Variants in FBXO11 observed in about 807,000 individuals in gnomAD.
FBXO11 encodes F-box protein 11.
FBXO11 carries 13 observed loss-of-function variants against 117.0 expected under a neutral mutation model. The ratio of observed to expected loss-of-function variants is 0.11; its 90% CI spans 0.07 to 0.18. The LOEUF (loss-of-function observed/expected upper bound fraction) is 0.18. Ranked by LOEUF, FBXO11 falls within the 10% of genes least tolerant of loss-of-function variation. The probability of loss-of-function intolerance (pLI) is 1.00; values close to 1 mark genes in which losing one functional copy is unlikely to be tolerated. For synonymous variants in FBXO11, 490 were observed against 380.5 expected (o/e 1.29, Z -3.35); for missense variants, 767 against 1,164.4 (o/e 0.66, Z 4.97).
At chr2:47,885,014 G>A (rs1318933064) in intron 1 of FBXO11, among the ~76,000 whole-genome samples, 2 of 152,084 alleles carry the variant, frequency 1.3e-5, no homozygotes, top group Admixed American at 1.3e-4. Context: ...TTACCAAACA[G>A]TATTATAAAG....
At position 47,852,117 on chromosome 2, in the gene FBXO11, A is replaced by G. The variant is rs574754519; in HGVS notation, c.233-12348T>C. Among the ~76,000 whole-genome samples the G allele has an allele frequency of 1.4e-4, 21 of 151,694 alleles. 1 individual carries two copies. The East Asian group carries it at 3.9e-3, about 28-fold the overall frequency. The stretch of plus-strand genomic sequence containing the variant: ...CAATCCTCCTGCCTCAGCCTCCCGA[A>G]TAGCTGGGATTACAGGCACCTGCCA... On this transcript the variant is annotated intron_variant, in intron 1 of 22. Transcript: ENST00000403359.
At chr2:47,873,812 A>G (rs1023396523) in intron 1 of FBXO11, among the ~76,000 whole-genome samples, 1 of 152,242 alleles carries the variant, frequency 6.6e-6, no homozygotes, top group Non-Finnish European at 1.5e-5. Flanking sequence ...AATTAAAAAC[A>G]AAGATATGTA....
intron 1 of FBXO11, among the ~76,000 whole-genome samples, chr2:47,853,382 A>AAAT (rs1674027398): frequency 6.6e-6 from 1 of 152,250 alleles, no homozygotes; most frequent in East Asian, 1.9e-4. Context: ...GGAATTAAAA[A>AAAT]AATAATAATA....
rs1558486246 is a variant in FBXO11 at position 47,900,603 on chromosome 2, TATACACACGTATATACAC to T, written c.232+4868_232+4885del. Among the ~76,000 whole-genome samples the T allele has an allele frequency of 1.8e-4, 20 of 110,246 alleles. 1 individual carries two copies. Among genetic ancestry groups the T allele is most frequent in the East Asian group, 1.1e-3 (4 of 3,748 alleles). The allele number at this position is 110,246 out of a possible 152,430, so 72.3% of individuals were successfully genotyped here. ...ACACATATATACGTATATACACACG[TATACACACGTATATACAC>T]ACGTATACACACACGTACGTATATA... On this transcript the variant is annotated intron_variant, in intron 1 of 22. Coordinates refer to ENST00000403359, the MANE Select transcript of FBXO11 (RefSeq NM_001190274.2).
At chr2:47,900,642 ATATACACACGTATACACACACGTACG>A in intron 1 of FBXO11, among the ~76,000 whole-genome samples, 1 of 91,014 alleles carries the variant, frequency 1.1e-5, no homozygotes, top group Middle Eastern at 5.7e-3. Flanking sequence ...ACACGTACGT[ATATACACACGTATACACACACGTACG>A]TATATACACA....
chr2:47,891,104 A>G (rs566766325), intron 1 of FBXO11, among the ~76,000 whole-genome samples: 6 of 152,186 alleles, frequency 3.9e-5, no homozygotes, highest in African/African-American at 1.4e-4. Context: ...GATTACAGGC[A>G]TGAGCCACTG....
intron 1 of FBXO11, among the ~76,000 whole-genome samples, chr2:47,889,867 A>G (rs942619410): frequency 6.6e-6 from 1 of 152,220 alleles, no homozygotes; most frequent in East Asian, 1.9e-4. Context: ...ATTATCCAGT[A>G]CATTTGCATA....
At chr2:47,852,670 A>G (rs1405458514) in intron 1 of FBXO11, among the ~76,000 whole-genome samples, 1 of 152,240 alleles carries the variant, frequency 6.6e-6, no homozygotes, top group East Asian at 1.9e-4. Context: ...ATGGATGATA[A>G]TAATGATAGT....
At chr2:47,865,215 T>G (rs150825678) in intron 1 of FBXO11, among the ~76,000 whole-genome samples, 87 of 152,330 alleles carry the variant, frequency 5.7e-4, no homozygotes, top group African/African-American at 2.0e-3. Flanking sequence ...TATTTACCCC[T>G]TCGGTGATAG....
intron 1 of FBXO11, among the ~76,000 whole-genome samples, chr2:47,889,793 C>A (rs1034425135): frequency 5.9e-5 from 9 of 152,102 alleles, no homozygotes; most frequent in South Asian, 2.1e-4. Context: ...TGAGTCCATA[C>A]CACTAGGGTA....
chr2:47,879,713 C>G (rs1676298622), intron 1 of FBXO11, among the ~76,000 whole-genome samples: 1 of 152,176 alleles, frequency 6.6e-6, no homozygotes, highest in African/African-American at 2.4e-5. Flanking sequence ...TAAGTTTTGG[C>G]TGCAAATAAG....
chr2:47,888,764 C>A (rs911425573), intron 1 of FBXO11: 60 of 465,770 alleles, frequency 1.3e-4, no homozygotes, highest in Admixed American at 4.5e-4. Context: ...AAACCACACA[C>A]ACTTCAGAAC....
At chr2:47,823,662 A>C (rs1487716271) in intron 11 of FBXO11, among the ~76,000 whole-genome samples, 3 of 152,102 alleles carry the variant, frequency 2.0e-5, no homozygotes, top group African/African-American at 4.8e-5. Flanking sequence ...CTGAGGCAGG[A>C]GAACTGCTTG....
At chr2:47,860,042 A>G (rs1674629865) in intron 1 of FBXO11, among the ~76,000 whole-genome samples, 1 of 152,186 alleles carries the variant, frequency 6.6e-6, no homozygotes, top group Admixed American at 6.5e-5. Context: ...AACCGATAAA[A>G]TAAGCTTAGG....
intron 1 of FBXO11, among the ~76,000 whole-genome samples, chr2:47,898,017 A>T (rs879397259): frequency 1.3e-5 from 2 of 152,190 alleles, no homozygotes; most frequent in Non-Finnish European, 2.9e-5. Flanking sequence ...CATGGAAGAA[A>T]ACAATTTTCT....
chr2:47,894,514 G>A (rs1677506345), intron 1 of FBXO11, among the ~76,000 whole-genome samples: 1 of 152,042 alleles, frequency 6.6e-6, no homozygotes. Context: ...TGGAATGAAG[G>A]CCCAGAATCA....
rs557093739 is a variant in FBXO11, at chr2:47,844,020, C to G, written c.233-4251G>C. On this transcript the variant is annotated intron_variant, in intron 1 of 22. Coordinates refer to ENST00000403359, the MANE Select transcript of FBXO11 (RefSeq NM_001190274.2). ...CCTCCCAAAGTGCTGGGATTACAGG[C>G]ATGAGCCACTGTGCCTGGCCTAGAT... is the stretch of plus-strand genomic sequence containing the variant. Among the ~76,000 whole-genome samples, 5 of 152,284 alleles carry G rather than the reference C, an allele frequency of 3.3e-5. No homozygotes were observed. The East Asian group carries it at 9.7e-4, about 29-fold the overall frequency.
At chr2:47,883,087 C>CAAGTA (rs1474026216) in intron 1 of FBXO11, among the ~76,000 whole-genome samples, 2 of 152,164 alleles carry the variant, frequency 1.3e-5, no homozygotes, top group African/African-American at 4.8e-5. Flanking sequence ...AAGCTTTACT[C>CAAGTA]AAGTCTAAAA....
chr2:47,859,394 A>G (rs574027221), intron 1 of FBXO11, among the ~76,000 whole-genome samples: 1 of 152,360 alleles, frequency 6.6e-6, no homozygotes, highest in East Asian at 1.9e-4. Context: ...GACTGAATTC[A>G]ATTTCAGATG....
Sources: allele counts gnomAD v4.1 joint callset (sites outside exome capture counted in the v4.1 genomes callset), GRCh38; gene constraint gnomAD v4.1.1; transcripts MANE v1.5; gene names NCBI Gene and HGNC (gene_info 2026-07-23, HGNC 2026-07-21).